SPECC1L: variants seen among roughly 807,000 people sequenced by gnomAD.
SPECC1L encodes sperm antigen with calponin homology and coiled-coil domains 1 like.
In SPECC1L, 40 loss-of-function variants were observed where a neutral mutation model predicts 116.8. The ratio of observed to expected loss-of-function variants is 0.34; its 90% confidence interval spans 0.27 to 0.45. SPECC1L has a LOEUF of 0.45. Among genes scored for constraint, SPECC1L ranks in the 20% least tolerant of loss-of-function variants. SPECC1L has a pLI of 1.00. For synonymous variants in SPECC1L, 504 were observed against 500.6 expected, an observed-to-expected ratio of 1.01 and a Z score of -0.09; for missense variants, 1,110 against 1,373.6, an observed-to-expected ratio of 0.81 and a Z score of 3.03.
chr22:24,332,064 A>AT (rs34833275), intron 8 of SPECC1L, among the ~76,000 whole-genome samples: 1 of 152,132 alleles, frequency 6.6e-6, no homozygotes, highest in African/African-American at 2.4e-5. Context: ...ATGGAATGCC[A>AT]TTTTTTTACT....
rs939413086 is a variant in SPECC1L, at chr22:24,417,528, A to G, written c.*2905A>G. On this transcript the variant is annotated 3_prime_UTR_variant, in exon 17 of 17. Coordinates refer to ENST00000314328, the MANE Select transcript of SPECC1L (RefSeq NM_015330.6). ...GTTCTGTGACAGATGCCAAGACCCCAGAGACCGTGGCAGAGCTACCCCCAG... is the reference window on the plus strand; with the variant it reads ...GTTCTGTGACAGATGCCAAGACCCCGGAGACCGTGGCAGAGCTACCCCCAG... 2.0e-5 allele frequency: 3 copies of G among 152,306 alleles called. No individual in the cohort carries two copies. The highest frequency in any genetic ancestry group is 4.4e-5 in the Non-Finnish European group (3 of 68,130). The allele number at this position is 152,306 out of a possible 1,614,324, so 9.4% of individuals were successfully genotyped here. A position where few individuals can be genotyped will look rare whatever the true frequency, so the allele number is the denominator to read the frequency against.
At chr22:24,287,885 A>G (rs952979733) in intron 2 of SPECC1L, among the ~76,000 whole-genome samples, 26 of 152,002 alleles carry the variant, frequency 1.7e-4, no homozygotes, top group Admixed American at 5.2e-4. Flanking sequence ...GTGGATTTCG[A>G]CCATCCATTT....
At chr22:24,308,378 T>C (rs2049543888) in intron 3 of SPECC1L, among the ~76,000 whole-genome samples, 1 of 152,346 alleles carries the variant, frequency 6.6e-6, no homozygotes, top group Middle Eastern at 3.4e-3. Context: ...CTGTCTTTTA[T>C]CACCTTGACA....
chr22:24,278,788 T>C (rs1240820574), intron 2 of SPECC1L, among the ~76,000 whole-genome samples: 2 of 152,196 alleles, frequency 1.3e-5, no homozygotes, highest in African/African-American at 2.4e-5. Context: ...ATTACTGGAA[T>C]AGGTATTACT....
intron 3 of SPECC1L, among the ~76,000 whole-genome samples, chr22:24,308,892 T>G (rs2049556682): frequency 6.6e-6 from 1 of 152,186 alleles, no homozygotes. Context: ...TTAGGATCAT[T>G]TAGTTTTATG....
chr22:24,408,036 C>T (rs1213742457), intron 14 of SPECC1L, among the ~76,000 whole-genome samples: 2 of 152,164 alleles, frequency 1.3e-5, no homozygotes, highest in Non-Finnish European at 1.5e-5. Flanking sequence ...CTCTCGGAGC[C>T]TCACCCTCCT....
intron 11 of SPECC1L, among the ~76,000 whole-genome samples, chr22:24,350,734 G>A (rs954003456): frequency 6.6e-6 from 1 of 152,190 alleles, no homozygotes; most frequent in African/African-American, 2.4e-5. Context: ...TGCTTGGTAG[G>A]TGTGCCCTAG....
chr22:24,347,206 T>C (rs767953006), intron 11 of SPECC1L, 30 bp downstream of exon 11: 34 of 1,529,564 alleles, frequency 2.2e-5, no homozygotes, highest in Middle Eastern at 1.7e-4. Flanking sequence ...GCATTTCACC[T>C]TTTTTTCAAT....
intron 13 of SPECC1L, among the ~76,000 whole-genome samples, chr22:24,367,358 G>A (rs184092535): frequency 3.9e-5 from 6 of 152,138 alleles, no homozygotes; most frequent in African/African-American, 1.4e-4. Flanking sequence ...TCTCCAACCC[G>A]CAGCCCAGGA....
chr22:24,348,032 C>T (rs932270843), intron 11 of SPECC1L, among the ~76,000 whole-genome samples: 6 of 152,090 alleles, frequency 3.9e-5, no homozygotes, highest in African/African-American at 1.2e-4. Context: ...TCCCACCTTT[C>T]GAGGTTGAGG....
At chr22:24,285,884 C>T (rs1381691334) in intron 2 of SPECC1L, among the ~76,000 whole-genome samples, 1 of 152,202 alleles carries the variant, frequency 6.6e-6, no homozygotes, top group Non-Finnish European at 1.5e-5. Flanking sequence ...TCATGATCCG[C>T]CCGCCTCAGC....
chr22:24,348,872 C>G lies in SPECC1L; in HGVS notation c.2743+1696C>G, dbSNP rs1378941506. On this transcript the variant is annotated intron_variant, in intron 11 of 16. Transcript: ENST00000314328. ...AAGTTGTCAACGACTGCTGTGTCCC[C>G]AGCCCAGCCAGTTCAGTCCTAATCT... 2.6e-5 allele frequency among the ~76,000 whole-genome samples: 4 copies of G among 152,170 alleles called. No homozygotes were observed. In the South Asian group the frequency reaches 8.3e-4, roughly 31 times the overall value.
chr22:24,282,739 G>C (rs1251297074), intron 2 of SPECC1L, among the ~76,000 whole-genome samples: 3 of 148,692 alleles, frequency 2.0e-5, no homozygotes, highest in Non-Finnish European at 4.5e-5. Context: ...CAGCTTTTCT[G>C]TTTTAGTTTA....
intron 11 of SPECC1L, among the ~76,000 whole-genome samples, chr22:24,361,261 A>G (rs2041637007): frequency 6.6e-6 from 1 of 152,176 alleles, no homozygotes; most frequent in African/African-American, 2.4e-5. Flanking sequence ...GTGATGGTGC[A>G]TACCTATAGT....
chr22:24,411,270 C>T (rs1420120197), intron 14 of SPECC1L, among the ~76,000 whole-genome samples: 2 of 152,158 alleles, frequency 1.3e-5, no homozygotes, highest in Admixed American at 1.3e-4. Flanking sequence ...GTACTGTCAC[C>T]CCAACAGGTC....
In SPECC1L at chr22:24,328,772, TATCCC is replaced by T. The variant is rs547309179; in HGVS notation, c.2147-73_2147-69del. On this transcript the variant is annotated intron_variant, in intron 6 of 16. Coordinates refer to ENST00000314328, the MANE Select transcript of SPECC1L (RefSeq NM_015330.6). ...ACTTTTTTCGAATGTCATATTTAAG[TATCCC>T]TTTTCTTTGTATTATTACTCTGAAG... 1,470 of 1,159,188 alleles carry T rather than the reference TATCCC, an allele frequency of 1.3e-3. 2 individuals carry two copies. The highest frequency in any genetic ancestry group is 4.1e-3 in the Admixed American group (216 of 53,058). The allele number at this position is 1,159,188 out of a possible 1,614,324, so 71.8% of individuals were successfully genotyped here. A position where few individuals can be genotyped will look rare whatever the true frequency, so the allele number is the denominator to read the frequency against.
rs5760353 is a variant in SPECC1L, at chr22:24,336,007, C to T, written c.2560+1434C>T. On this transcript the variant is annotated intron_variant, in intron 9 of 16. Coordinates refer to ENST00000314328, the MANE Select transcript of SPECC1L (RefSeq NM_015330.6). ...GTATGTATACATATGTATACATATACAGAGTTTTCAGTATAGCATTGTTTG... is the reference window on the plus strand; with the variant it reads ...GTATGTATACATATGTATACATATATAGAGTTTTCAGTATAGCATTGTTTG... 0.01 allele frequency among the ~76,000 whole-genome samples: 1,554 copies of T among 151,808 alleles called. 76 individuals are homozygous for T. In the South Asian group the frequency reaches 0.12, roughly 11 times the overall value.
intron 14 of SPECC1L, among the ~76,000 whole-genome samples, chr22:24,371,524 G>A: frequency 6.6e-6 from 1 of 152,148 alleles, no homozygotes; most frequent in Non-Finnish European, 1.5e-5. Context: ...CACAATGAAA[G>A]ATTAGAAATT....
chr22:24,300,559 A>G (rs547708128), intron 2 of SPECC1L, among the ~76,000 whole-genome samples: 5 of 152,216 alleles, frequency 3.3e-5, no homozygotes, highest in Non-Finnish European at 4.4e-5. Context: ...ACTGTCTTCC[A>G]CAATGGTTGA....
Sources: gnomAD v4.1 joint callset for allele counts (sites outside exome capture counted in the v4.1 genomes callset) on GRCh38, gnomAD v4.1.1 for gene constraint, MANE v1.5 for transcripts, NCBI Gene and HGNC (gene_info 2026-07-23, HGNC 2026-07-21) for gene names.